The following ATP6V1A variants were observed in gnomAD, a reference collection of about 807,000 sequenced individuals.
The protein encoded by ATP6V1A is ATPase H+ transporting V1 subunit A.
A neutral mutation model predicts 70.1 loss-of-function variants in ATP6V1A; 18 were observed. The observed-to-expected ratio is 0.26, with a 90% confidence interval of 0.18 to 0.38. The LOEUF (loss-of-function observed/expected upper bound fraction) is 0.38. Ranked by LOEUF, ATP6V1A falls within the 10% of genes least tolerant of loss-of-function variation. The pLI is 1.00. For missense variants in ATP6V1A, 424 were observed against 772.4 expected (o/e 0.55, Z 5.35); for synonymous variants, 232 against 253.8 (o/e 0.91, Z 0.82).
At chr3:113,779,677 T>A (rs1389175389) in intron 2 of ATP6V1A, among the ~76,000 whole-genome samples, 1 of 152,166 alleles carries the variant, frequency 6.6e-6, no homozygotes, top group Non-Finnish European at 1.5e-5. Context: ...GTTATCAGTA[T>A]CTTTTGCCAT....
chr3:113,775,377 C>T (rs529925797), intron 1 of ATP6V1A, among the ~76,000 whole-genome samples: 1 of 151,928 alleles, frequency 6.6e-6, no homozygotes, highest in Admixed American at 6.6e-5. Flanking sequence ...TTACAGGCGC[C>T]CACCACCACA....
intron 2 of ATP6V1A, 44 bp from the exon 3 acceptor site, chr3:113,781,006 C>A: frequency 1.3e-6 from 2 of 1,558,710 alleles, no homozygotes; most frequent in South Asian, 1.2e-5. Context: ...ATTCACAGAG[C>A]ACTAGAGTCT....
chr3:113,779,937 G>GT (rs1217526822), intron 2 of ATP6V1A, among the ~76,000 whole-genome samples: 2 of 152,076 alleles, frequency 1.3e-5, no homozygotes, highest in Non-Finnish European at 2.9e-5. Flanking sequence ...CATGTGCCAT[G>GT]GTGGCTTGCT....
intron 1 of ATP6V1A, among the ~76,000 whole-genome samples, chr3:113,756,417 T>A (rs746843827): frequency 6.6e-6 from 1 of 152,216 alleles, no homozygotes; most frequent in Non-Finnish European, 1.5e-5. Flanking sequence ...TGGTGGGCAC[T>A]GCCAAATTGC....
chr3:113,788,697 T>C lies in ATP6V1A; in HGVS notation c.717-16T>C. 1.9e-6 allele frequency: 3 copies of C among 1,604,860 alleles called. No individual in the cohort carries two copies. Among genetic ancestry groups the C allele is most frequent in the East Asian group, 4.5e-5 (2 of 44,744 alleles). On this transcript the variant is annotated splice_polypyrimidine_tract_variant and intron_variant, in intron 6 of 14. Coordinates refer to ENST00000273398, the MANE Select transcript of ATP6V1A (RefSeq NM_001690.4). ...TTAGCAAGTCAAGTAATCCATACTT[T>C]GTTTTCTTTGTTTAGGTGTGTCCAG...
At chr3:113,792,700 T>TTA (rs1422655973) in intron 8 of ATP6V1A, among the ~76,000 whole-genome samples, 11 of 152,328 alleles carry the variant, frequency 7.2e-5, no homozygotes, top group Non-Finnish European at 1.3e-4. Context: ...CTGCTAATTA[T>TTA]TATTTTACAT....
At chr3:113,764,791 G>A (rs183353729) in intron 1 of ATP6V1A, among the ~76,000 whole-genome samples, 2 of 151,834 alleles carry the variant, frequency 1.3e-5, no homozygotes, top group East Asian at 3.9e-4. Flanking sequence ...AAAAAATAAG[G>A]CCCGGCACAG....
At chr3:113,806,978 A>T (rs1001203472) in intron 14 of ATP6V1A, among the ~76,000 whole-genome samples, 2 of 152,038 alleles carry the variant, frequency 1.3e-5, no homozygotes, top group East Asian at 1.9e-4. Flanking sequence ...AAAAATTTTT[A>T]AATTATATAT....
chr3:113,798,268 T>G lies in ATP6V1A; in HGVS notation c.1316T>G (p.Leu439Arg). 1 of 1,613,814 alleles carries G rather than the reference T, an allele frequency of 6.2e-7. No individual in the cohort carries two copies. Among genetic ancestry groups the G allele is most frequent in the Non-Finnish European group, 8.5e-7 (1 of 1,179,986 alleles). Residue 439 changes from leucine to arginine, a missense_variant, in exon 12 of 15, where the codon CTA becomes CGA. Transcript: ENST00000273398. ...GTGTTCTGGGGCTTAGATAAGAAACTAGCTCAACGTAAGCATTTCCCCTCT... is the reference window on the plus strand; with the variant it reads ...GTGTTCTGGGGCTTAGATAAGAAACGAGCTCAACGTAAGCATTTCCCCTCT... ...VQVFWGLDKK[L>R]AQRKHFPSVN...
chr3:113,762,722 T>C (rs1333168943), intron 1 of ATP6V1A, among the ~76,000 whole-genome samples: 1 of 152,160 alleles, frequency 6.6e-6, no homozygotes, highest in Non-Finnish European at 1.5e-5. Context: ...CTTGGAATTG[T>C]AGACTATTTA....
intron 1 of ATP6V1A, among the ~76,000 whole-genome samples, chr3:113,763,601 T>C (rs1057365665): frequency 2.0e-5 from 3 of 152,340 alleles, no homozygotes; most frequent in Admixed American, 6.5e-5. Flanking sequence ...TTATTTCTAT[T>C]GAGGTTGGCA....
intron 1 of ATP6V1A, among the ~76,000 whole-genome samples, chr3:113,774,635 G>A (rs1223989630): frequency 2.0e-5 from 3 of 152,048 alleles, no homozygotes; most frequent in African/African-American, 7.2e-5. Context: ...CCAACATGGT[G>A]AAACCCTATC....
At chr3:113,780,467 G>A (rs537204205) in intron 2 of ATP6V1A, among the ~76,000 whole-genome samples, 5 of 152,112 alleles carry the variant, frequency 3.3e-5, no homozygotes, top group South Asian at 2.1e-4. Flanking sequence ...ATATCCTTAC[G>A]GCCTATGAAA....
intron 1 of ATP6V1A, among the ~76,000 whole-genome samples, chr3:113,755,610 A>G (rs1452400573): frequency 1.3e-5 from 2 of 152,128 alleles, no homozygotes; most frequent in African/African-American, 4.8e-5. Flanking sequence ...AAAAATATAT[A>G]TGTAATAATA....
chr3:113,808,647 C>T (rs529753860), intron 14 of ATP6V1A, among the ~76,000 whole-genome samples: 33 of 151,942 alleles, frequency 2.2e-4, no homozygotes, highest in South Asian at 8.3e-4. Context: ...CTTTTCCATC[C>T]CAGTGTGATA....
intron 1 of ATP6V1A, among the ~76,000 whole-genome samples, chr3:113,771,277 A>G (rs1311053344): frequency 6.6e-6 from 1 of 152,172 alleles, no homozygotes; most frequent in Admixed American, 6.6e-5. Context: ...CAGATAATAA[A>G]GAAGAGTTAT....
chr3:113,769,105 T>C (rs1312793887), intron 1 of ATP6V1A, among the ~76,000 whole-genome samples: 1 of 152,108 alleles, frequency 6.6e-6, no homozygotes, highest in East Asian at 1.9e-4. Context: ...GTGAAATAAA[T>C]CTGCCACATA....
chr3:113,748,195 A>G (rs1288835043), intron 1 of ATP6V1A, among the ~76,000 whole-genome samples: 1 of 152,220 alleles, frequency 6.6e-6, no homozygotes, highest in East Asian at 1.9e-4. Flanking sequence ...GTGAAAATAC[A>G]GAAATTGTTG....
At chr3:113,800,242 A>G (rs1282606449) in intron 12 of ATP6V1A, among the ~76,000 whole-genome samples, 1 of 152,000 alleles carries the variant, frequency 6.6e-6, no homozygotes, top group African/African-American at 2.4e-5. Flanking sequence ...AAAAAAAAAA[A>G]AAAAAGACGC....
Sources: allele counts gnomAD v4.1 joint callset (sites outside exome capture counted in the v4.1 genomes callset), GRCh38; gene constraint gnomAD v4.1.1; transcripts MANE v1.5; gene names NCBI Gene and HGNC (gene_info 2026-07-23, HGNC 2026-07-21).